The following SH3RF3 variants were observed in gnomAD, a reference collection of about 807,000 sequenced individuals.
The protein encoded by SH3RF3 is E3 ubiquitin-protein ligase SH3RF3.
In SH3RF3, 29 loss-of-function variants were observed where a neutral mutation model predicts 66.3. The observed-to-expected ratio is 0.44, with a 90% confidence interval of 0.33 to 0.60. The LOEUF (loss-of-function observed/expected upper bound fraction) is 0.60, where lower values mean the gene tolerates loss of function less well. Ranked by LOEUF, SH3RF3 falls within the 20% of genes least tolerant of loss-of-function variation. The pLI, the probability that SH3RF3 is intolerant of heterozygous loss-of-function variation, is 0.04. For synonymous variants in SH3RF3, 583 were observed against 532.0 expected, an observed-to-expected ratio of 1.10 and a Z score of -1.32; for missense variants, 1,194 against 1,190.9, an observed-to-expected ratio of 1.00 and a Z score of -0.04.
At chr2:109,335,938 G>T (rs953246581) in intron 1 of SH3RF3, among the ~76,000 whole-genome samples, 1 of 152,176 alleles carries the variant, frequency 6.6e-6, no homozygotes, top group African/African-American at 2.4e-5. Context: ...AAGACACTTG[G>T]GGGCTGGGAG....
intron 7 of SH3RF3, 102 bp from the exon 8 acceptor site, chr2:109,449,068 G>A (rs1573260265): frequency 7.3e-7 from 1 of 1,370,128 alleles, no homozygotes; most frequent in South Asian, 1.4e-5. Flanking sequence ...GAGGCTGTGA[G>A]TGCTCGAGAA....
At chr2:109,388,479 G>C in intron 3 of SH3RF3, among the ~76,000 whole-genome samples, 1 of 152,290 alleles carries the variant, frequency 6.6e-6, no homozygotes, top group East Asian at 1.9e-4. Flanking sequence ...CCCCAGCCAG[G>C]CCCCCCAGGT....
intron 1 of SH3RF3, among the ~76,000 whole-genome samples, chr2:109,281,322 C>T (rs908949959): frequency 2.6e-5 from 4 of 152,208 alleles, no homozygotes; most frequent in South Asian, 4.1e-4. Flanking sequence ...CTTCCTTCCC[C>T]GGGCCCCCTC....
intron 1 of SH3RF3, among the ~76,000 whole-genome samples, chr2:109,214,144 A>G (rs1396725302): frequency 6.6e-6 from 1 of 152,144 alleles, no homozygotes; most frequent in Non-Finnish European, 1.5e-5. Flanking sequence ...TGCTGCGTCT[A>G]GGTAGGGGCC....
chr2:109,399,573 C>G (rs1676247776), intron 4 of SH3RF3, among the ~76,000 whole-genome samples: 2 of 151,954 alleles, frequency 1.3e-5, no homozygotes. Context: ...GCCAAGAGTT[C>G]AAGATCAGCT....
intron 1 of SH3RF3, among the ~76,000 whole-genome samples, chr2:109,323,142 T>C (rs1682069519): frequency 2.0e-5 from 3 of 152,300 alleles, no homozygotes; most frequent in African/African-American, 7.2e-5. Flanking sequence ...GAGAGAGGCC[T>C]CGGCTTCCAG....
intron 1 of SH3RF3, among the ~76,000 whole-genome samples, chr2:109,329,823 C>A (rs1682244604): frequency 6.6e-6 from 1 of 152,188 alleles, no homozygotes; most frequent in East Asian, 1.9e-4. Flanking sequence ...CAGCTTCAGC[C>A]AGTTTTGTAA....
intron 2 of SH3RF3, among the ~76,000 whole-genome samples, chr2:109,365,259 T>A (rs1259660269): frequency 6.6e-6 from 1 of 152,188 alleles, no homozygotes; most frequent in African/African-American, 2.4e-5. Context: ...TGAGGCACAA[T>A]TCACAAAGGT....
intron 1 of SH3RF3, among the ~76,000 whole-genome samples, chr2:109,217,875 CTG>C (rs1185983156): frequency 6.6e-6 from 1 of 152,172 alleles, no homozygotes; most frequent in Non-Finnish European, 1.5e-5. Context: ...CAGGGGATCT[CTG>C]TTGTGGCCTG....
intron 8 of SH3RF3, among the ~76,000 whole-genome samples, chr2:109,476,312 T>C (rs1311426512): frequency 6.6e-6 from 1 of 151,904 alleles, no homozygotes; most frequent in Non-Finnish European, 1.5e-5. Flanking sequence ...GAAGATCAAA[T>C]GAGATCATGT....
intron 1 of SH3RF3, among the ~76,000 whole-genome samples, chr2:109,183,385 T>C (rs1678113139): frequency 6.6e-6 from 1 of 152,198 alleles, no homozygotes; most frequent in Non-Finnish European, 1.5e-5. Context: ...GAACTCTCCC[T>C]TGCTGCTGGG....
At chr2:109,371,132 T>C (rs1683262433) in intron 2 of SH3RF3, among the ~76,000 whole-genome samples, 1 of 152,196 alleles carries the variant, frequency 6.6e-6, no homozygotes, top group Non-Finnish European at 1.5e-5. Flanking sequence ...CTCACACCTG[T>C]AATCCCAGCA....
At chr2:109,461,504 C>T (rs371269258) in intron 8 of SH3RF3, among the ~76,000 whole-genome samples, 932 of 6,694 alleles carry the variant, frequency 0.14, 8 homozygotes, top group African/African-American at 0.32. Flanking sequence ...AAGACCTGCG[C>T]GGTGATCCAC....
intron 1 of SH3RF3, among the ~76,000 whole-genome samples, chr2:109,202,754 C>G (rs1678711329): frequency 6.6e-6 from 1 of 152,152 alleles, no homozygotes; most frequent in South Asian, 2.1e-4. Flanking sequence ...GTCGACAGCC[C>G]TTCCCATACT....
chr2:109,203,695 C>T (rs897567028), intron 1 of SH3RF3, among the ~76,000 whole-genome samples: 4 of 152,134 alleles, frequency 2.6e-5, no homozygotes, highest in East Asian at 3.9e-4. Flanking sequence ...GCACTTCCAC[C>T]CCCTGGGCCT....
At chr2:109,305,239 G>A (rs377134700) in intron 1 of SH3RF3, among the ~76,000 whole-genome samples, 55 of 152,280 alleles carry the variant, frequency 3.6e-4, no homozygotes, top group African/African-American at 1.2e-3. Flanking sequence ...ACCTGCTGAC[G>A]GTTTCCCCCT....
intron 1 of SH3RF3, among the ~76,000 whole-genome samples, chr2:109,314,419 A>C (rs1273612387): frequency 1.3e-5 from 2 of 152,202 alleles, no homozygotes; most frequent in African/African-American, 4.8e-5. Flanking sequence ...TGGTATAGCC[A>C]GGGAGCAGAG....
chr2:109,486,866 T>C (rs990688213), intron 8 of SH3RF3, among the ~76,000 whole-genome samples: 2 of 152,158 alleles, frequency 1.3e-5, no homozygotes, highest in South Asian at 2.1e-4. Context: ...GGCAGATCTG[T>C]CTCCCGCCCA....
intron 5 of SH3RF3, among the ~76,000 whole-genome samples, chr2:109,429,692 A>G (rs992036864): frequency 1.3e-5 from 2 of 152,084 alleles, no homozygotes; most frequent in East Asian, 1.9e-4. Context: ...CCCTGGCCCT[A>G]CCCCTGAACA....
Sources: allele counts gnomAD v4.1 joint callset (sites outside exome capture counted in the v4.1 genomes callset), GRCh38; gene constraint gnomAD v4.1.1; transcripts MANE v1.5; gene names NCBI Gene and HGNC (gene_info 2026-07-23, HGNC 2026-07-21).